The following PPM1D variants were observed in gnomAD, a reference collection of about 807,000 sequenced individuals.
PPM1D encodes protein phosphatase, Mg2+/Mn2+ dependent 1D.
A neutral mutation model predicts 58.3 loss-of-function variants in PPM1D; 52 were observed. That is an observed-to-expected ratio of 0.89 (90% CI 0.71 to 1.12). The LOEUF (loss-of-function observed/expected upper bound fraction) is 1.12, where lower values mean the gene tolerates loss of function less well. PPM1D is among the 50% of genes most tolerant of loss of function. The pLI, the probability that PPM1D is intolerant of heterozygous loss-of-function variation, is 0.00. For missense variants in PPM1D, 564 were observed against 777.2 expected, an observed-to-expected ratio of 0.73 and a Z score of 3.26; for synonymous variants, 278 against 285.1, an observed-to-expected ratio of 0.98 and a Z score of 0.25.
rs2031567436 is a variant in PPM1D at position 60,663,443 on chromosome 17, C to A, written c.1709C>A (p.Ser570Ter). 1 of 1,614,070 alleles carries A rather than the reference C, an allele frequency of 6.2e-7. No individual in the cohort carries two copies. The highest frequency in any genetic ancestry group is 1.7e-5 in the Admixed American group (1 of 59,994). The change falls in exon 6 of 6, where the codon TCA becomes TAA. Residue 570 changes from serine (S) to a stop codon, truncating the protein, a stop_gained. Coordinates refer to ENST00000305921, the MANE Select transcript of PPM1D (RefSeq NM_003620.4). LOFTEE classifies it high-confidence loss of function. ...CAGCCTGCAAGTCTCCCCACAACCT[C>A]ACAGCGAAAGAACTCTGTTAAACTC... Reference protein sequence around the residue: ...GAQPASLPTTSQRKNSVKLTM... With the variant: ...GAQPASLPTT
At chr17:60,656,472 AG>A in intron 4 of PPM1D, 126 bp from the exon 5 acceptor site, 1 of 1,298,906 alleles carries the variant, frequency 7.7e-7, no homozygotes, top group South Asian at 1.6e-5. Flanking sequence ...AAAAGAGAAA[AG>A]AAAAAAAAAA....
At chr17:60,652,667 A>G (rs1321161023) in intron 4 of PPM1D, among the ~76,000 whole-genome samples, 1 of 148,424 alleles carries the variant, frequency 6.7e-6, no homozygotes, top group East Asian at 2.0e-4. Flanking sequence ...CCTCACCAGC[A>G]TCTGTAGTTG....
chr17:60,643,281 G>A (rs1478225449), intron 3 of PPM1D, among the ~76,000 whole-genome samples: 2 of 152,040 alleles, frequency 1.3e-5, no homozygotes, highest in African/African-American at 2.4e-5. Context: ...TACTTGGAAG[G>A]CAGGTGAGAG....
chr17:60,628,980 A>G (rs548060882), intron 2 of PPM1D, among the ~76,000 whole-genome samples: 6 of 152,230 alleles, frequency 3.9e-5, no homozygotes, highest in Non-Finnish European at 8.8e-5. Flanking sequence ...CTAGATGGCT[A>G]CTAGTAGCCA....
intron 3 of PPM1D, among the ~76,000 whole-genome samples, chr17:60,636,570 G>A (rs914559399): frequency 6.6e-6 from 1 of 152,178 alleles, no homozygotes. Flanking sequence ...TCAGAGGAGG[G>A]TCTCGCTAAG....
At chr17:60,640,840 A>G (rs902296387) in intron 3 of PPM1D, among the ~76,000 whole-genome samples, 1 of 140,194 alleles carries the variant, frequency 7.1e-6, no homozygotes, top group African/African-American at 3.2e-5. Context: ...TTATTTAGAA[A>G]TTTAGAAATT....
intron 2 of PPM1D, among the ~76,000 whole-genome samples, chr17:60,629,289 A>G (rs2030872786): frequency 6.6e-6 from 1 of 152,138 alleles, no homozygotes; most frequent in African/African-American, 2.4e-5. Flanking sequence ...AACTGTAGTC[A>G]TGTGCTATTT....
intron 2 of PPM1D, 150 bp downstream of exon 2, chr17:60,623,899 A>G: frequency 2.8e-6 from 2 of 703,434 alleles, no homozygotes; most frequent in East Asian, 2.8e-5. Context: ...ATACTCATGT[A>G]TGTATGTTCA....
intron 4 of PPM1D, among the ~76,000 whole-genome samples, 184 bp downstream of exon 4, chr17:60,648,266 A>G (rs528993753): frequency 6.6e-6 from 1 of 152,338 alleles, no homozygotes; most frequent in African/African-American, 2.4e-5. Context: ...CAAGAAATAT[A>G]TAACCGAAGT....
intron 4 of PPM1D, among the ~76,000 whole-genome samples, chr17:60,653,963 T>C (rs918392155): frequency 6.6e-6 from 1 of 152,200 alleles, no homozygotes; most frequent in Non-Finnish European, 1.5e-5. Flanking sequence ...GAGATCATGT[T>C]ACCTGCAAAC....
intron 2 of PPM1D, among the ~76,000 whole-genome samples, chr17:60,632,191 C>T (rs1189786485): frequency 6.7e-6 from 1 of 149,532 alleles, no homozygotes; most frequent in Non-Finnish European, 1.5e-5. Context: ...CAGACTCTGT[C>T]TCAAAAACAA....
At chr17:60,621,169 C>T (rs2030693232) in intron 1 of PPM1D, among the ~76,000 whole-genome samples, 1 of 152,168 alleles carries the variant, frequency 6.6e-6, no homozygotes, top group Non-Finnish European at 1.5e-5. Context: ...GTAATCCACC[C>T]ACCTTGGCCT....
rs143072022 is a variant in PPM1D at position 60,615,481 on chromosome 17, G to A, written c.473-8040G>A. On this transcript the variant is annotated intron_variant, in intron 1 of 5. Transcript: ENST00000305921. ...GGTGCTGTCTTTTAATGCACTTCTC[G>A]TTTTATGTCATTAAAAAAATTAAAA... Among the ~76,000 whole-genome samples the A allele has an allele frequency of 2.7e-5, 4 of 150,808 alleles. 1 individual carries two copies. Among genetic ancestry groups the A allele is most frequent in the East Asian group, 1.9e-4 (1 of 5,152 alleles).
chr17:60,609,516 A>G (rs114418231), intron 1 of PPM1D, among the ~76,000 whole-genome samples: 1 of 152,200 alleles, frequency 6.6e-6, no homozygotes, highest in Non-Finnish European at 1.5e-5. Context: ...TAAATATAAA[A>G]TTCTAGAAAT....
At chr17:60,661,615 A>T (rs144559324) in intron 5 of PPM1D, among the ~76,000 whole-genome samples, 1 of 152,284 alleles carries the variant, frequency 6.6e-6, no homozygotes, top group East Asian at 1.9e-4. Flanking sequence ...TTTAAAAACA[A>T]TAAAGTGCCT....
Position 60,647,866 on chromosome 17 carries a change from T to C in PPM1D, c.827-26T>C, listed in dbSNP as rs116659325. ...ACTATTAGCTTCCAACTAATACTTC[T>C]TGCTTTTTCTGCTCCCTTCCCCCAG... On this transcript the variant is annotated intron_variant, in intron 3 of 5. Coordinates refer to ENST00000305921, the MANE Select transcript of PPM1D (RefSeq NM_003620.4). 7.4e-4 allele frequency: 1,160 copies of C among 1,570,872 alleles called. 7 individuals are homozygous for C. The African/African-American group carries it at 0.013, about 18-fold the overall frequency.
chr17:60,658,924 C>T (rs753657917), intron 5 of PPM1D, among the ~76,000 whole-genome samples: 7 of 152,154 alleles, frequency 4.6e-5, no homozygotes, highest in Non-Finnish European at 8.8e-5. Flanking sequence ...CGCGTTGCAG[C>T]ACTCCAGCCT....
intron 2 of PPM1D, among the ~76,000 whole-genome samples, chr17:60,631,393 C>T (rs1232690121): frequency 6.6e-6 from 1 of 151,960 alleles, no homozygotes; most frequent in Non-Finnish European, 1.5e-5. Context: ...AAGACTAGCA[C>T]TTTGGGAGGC....
In PPM1D at chr17:60,647,988, A is replaced by G. The variant is rs775181311; in HGVS notation, c.923A>G (p.Tyr308Cys). ...ACTCTTGACCCTCAGAAGCACAAGT[A>G]TATTATATTGGGGAGTGATGGACTT... ...VHTLDPQKHK[Y>C]IILGSDGLWN... Residue 308 changes from tyrosine to cysteine, a missense_variant, in exon 4 of 6, where the codon TAT (tyrosine) becomes TGT (cysteine). Physicochemically the swap from Tyr to Cys is radical, Grantham distance 194. Coordinates refer to ENST00000305921, the MANE Select transcript of PPM1D (RefSeq NM_003620.4). 1.2e-5 allele frequency: 19 copies of G among 1,613,996 alleles called. No homozygotes were observed. Among genetic ancestry groups the G allele is most frequent in the East Asian group, 2.2e-5 (1 of 44,878 alleles).
Sources: allele counts gnomAD v4.1 joint callset (sites outside exome capture counted in the v4.1 genomes callset), GRCh38; gene constraint gnomAD v4.1.1; transcripts MANE v1.5; gene names NCBI Gene and HGNC (gene_info 2026-07-23, HGNC 2026-07-21).